DIP2C: variants seen among roughly 807,000 people sequenced by gnomAD.
DIP2C encodes DIP2 acetate--CoA ligase C (putative), also known as disco-interacting protein 2 homolog C.
A neutral mutation model predicts 192.4 loss-of-function variants in DIP2C; 33 were observed. The ratio of observed to expected loss-of-function variants is 0.17; its 90% CI spans 0.13 to 0.23. The LOEUF is 0.23. DIP2C is among the 10% of genes least tolerant of loss of function. The probability of loss-of-function intolerance (pLI) is 1.00; values close to 1 mark genes in which losing one functional copy is unlikely to be tolerated. For missense variants in DIP2C, 1,537 were observed against 2,110.1 expected, an observed-to-expected ratio of 0.73 and a Z score of 5.32; for synonymous variants, 979 against 864.1, an observed-to-expected ratio of 1.13 and a Z score of -2.33.
intron 3 of DIP2C, among the ~76,000 whole-genome samples, chr10:453,672 A>G (rs546693877): frequency 6.6e-6 from 1 of 152,372 alleles, no homozygotes; most frequent in African/African-American, 2.4e-5. Context: ...GTGTTATCAA[A>G]GCAAAGAGAA....
chr10:637,017 G>A (rs1046953257), intron 1 of DIP2C, among the ~76,000 whole-genome samples: 5 of 152,342 alleles, frequency 3.3e-5, no homozygotes, highest in Non-Finnish European at 5.9e-5. Context: ...GAGGGGCCGC[G>A]GGCAGCCGAG....
chr10:606,086 G>A (rs944137835), intron 1 of DIP2C, among the ~76,000 whole-genome samples: 2 of 152,238 alleles, frequency 1.3e-5, no homozygotes, highest in African/African-American at 4.8e-5. Flanking sequence ...GCAGCGTGGA[G>A]ACCGGGAAGC....
chr10:424,382 T>TTTTTTTTTTTTTTTTG (rs1388302720), intron 4 of DIP2C, among the ~76,000 whole-genome samples: 2 of 101,362 alleles, frequency 2.0e-5, no homozygotes. Flanking sequence ...TTTTTTTTTT[T>TTTTTTTTTTTTTTTTG]TGAGACAGAG....
chr10:675,767 A>G (rs1830854279), intron 1 of DIP2C, among the ~76,000 whole-genome samples: 1 of 152,194 alleles, frequency 6.6e-6, no homozygotes, highest in South Asian at 2.1e-4. Flanking sequence ...AACATGTATG[A>G]CTAAGTAATA....
intron 1 of DIP2C, among the ~76,000 whole-genome samples, chr10:511,544 C>T (rs930148932): frequency 9.2e-5 from 14 of 152,150 alleles, no homozygotes; most frequent in African/African-American, 2.7e-4. Flanking sequence ...TAAAAAATAA[C>T]ACGTCTTCCA....
intron 32 of DIP2C, among the ~76,000 whole-genome samples, chr10:290,276 C>T (rs879283064): frequency 2.0e-5 from 3 of 152,232 alleles, no homozygotes; most frequent in Non-Finnish European, 2.9e-5. Context: ...TTACGGAACA[C>T]GCCGATAGGC....
chr10:539,966 CAAG>C (rs939155800), intron 1 of DIP2C, among the ~76,000 whole-genome samples: 21 of 152,032 alleles, frequency 1.4e-4, no homozygotes, highest in African/African-American at 4.3e-4. Context: ...CAGAAAAAAA[CAAG>C]ATGATCAAAA....
chr10:595,676 G>C (rs895023591), intron 1 of DIP2C, among the ~76,000 whole-genome samples: 30 of 152,324 alleles, frequency 2.0e-4, no homozygotes, highest in African/African-American at 6.5e-4. Context: ...CGGGTTTACC[G>C]AAATCCACGC....
intron 17 of DIP2C, among the ~76,000 whole-genome samples, chr10:372,150 G>A (rs1355153729): frequency 4.7e-5 from 7 of 147,700 alleles, no homozygotes; most frequent in African/African-American, 7.5e-5. Flanking sequence ...ATCTTGGCTC[G>A]CTGCAACCTC....
chr10:544,641 G>A lies in DIP2C; in HGVS notation c.86-58111C>T, dbSNP rs143277196. On this transcript the variant is annotated intron_variant, in intron 1 of 36. Transcript: ENST00000280886. ...TTTTACCCATCCCAGTGGTTGTGAA[G>A]TGGTATCTCACGGTGGTTTTCATTT... is the stretch of plus-strand genomic sequence containing the variant. Among the ~76,000 whole-genome samples the A allele has an allele frequency of 2.7e-3, 404 of 152,312 alleles. 3 individuals carry two copies. Among genetic ancestry groups the A allele is most frequent in the African/African-American group, 8.0e-3 (333 of 41,566 alleles).
At chr10:457,909 T>G (rs1193864381) in intron 3 of DIP2C, among the ~76,000 whole-genome samples, 1 of 152,224 alleles carries the variant, frequency 6.6e-6, no homozygotes, top group African/African-American at 2.4e-5. Context: ...CAGCTGTGCC[T>G]GTGGCCTCTC....
Position 392,484 on chromosome 10 carries a change from G to A in DIP2C, c.1261-1621C>T, listed in dbSNP as rs980332176. Among the ~76,000 whole-genome samples, 5 of 152,194 alleles carry A rather than the reference G, an allele frequency of 3.3e-5. No individual in the cohort carries two copies. The East Asian group carries it at 7.7e-4, about 23-fold the overall frequency. Reference sequence around the variant, plus strand: ...ATAAGGAAGAGACTGAAAACCACAGGAGCAGCAGGCCTGGGAGGATGCGGC... The same window carrying A: ...ATAAGGAAGAGACTGAAAACCACAGAAGCAGCAGGCCTGGGAGGATGCGGC... On this transcript the variant is annotated intron_variant, in intron 10 of 36. Transcript: ENST00000280886.
At position 326,871 on chromosome 10, in the gene DIP2C, G is replaced by C. The variant is rs556459427; in HGVS notation, c.3924+135C>G. On this transcript the variant is annotated intron_variant, in intron 31 of 36. Coordinates refer to ENST00000280886, the MANE Select transcript of DIP2C (RefSeq NM_014974.3). ...AAAGAAACAGAGATCTGCACCAACC[G>C]CATGCGTGTGACTGAAAGATCTCTT... 2.1e-5 allele frequency: 22 copies of C among 1,041,920 alleles called. No homozygotes were observed. In the African/African-American group the frequency reaches 3.6e-4, roughly 17 times the overall value. The allele number at this position is 1,041,920 out of a possible 1,614,324, so 64.5% of individuals were successfully genotyped here.
chr10:603,893 C>T (rs1434000524), intron 1 of DIP2C, among the ~76,000 whole-genome samples: 2 of 151,916 alleles, frequency 1.3e-5, no homozygotes, highest in East Asian at 3.9e-4. Flanking sequence ...AGCCCCACAC[C>T]CCTCCGACCA....
intron 9 of DIP2C, among the ~76,000 whole-genome samples, chr10:400,661 C>A (rs146997473): frequency 6.6e-6 from 1 of 151,334 alleles, no homozygotes; most frequent in East Asian, 2.0e-4. Context: ...TAGCATTACT[C>A]TTCCTTATGG....
intron 31 of DIP2C, chr10:324,771 C>A: frequency 5.3e-6 from 2 of 377,300 alleles, no homozygotes; most frequent in South Asian, 4.2e-5. Flanking sequence ...TCAATATCCA[C>A]CACGTGTCAG....
chr10:629,606 G>A (rs1033327691), intron 1 of DIP2C, among the ~76,000 whole-genome samples: 2 of 152,110 alleles, frequency 1.3e-5, no homozygotes, highest in South Asian at 2.1e-4. Flanking sequence ...CCGTACTGGG[G>A]GAAGGAAGCT....
In DIP2C at chr10:382,779, C is replaced by A. The variant is rs1216406961; in HGVS notation, c.1877-18G>T. 1.3e-6 allele frequency: 2 copies of A among 1,554,662 alleles called. No homozygotes were observed. The highest frequency in any genetic ancestry group is 1.8e-6 in the Non-Finnish European group (2 of 1,134,414). ...AATAGACCCTAGAGTGAAAGAGGGA[C>A]AATGATCAGACAGCTGAAGCACTGT... On this transcript the variant is annotated intron_variant, in intron 16 of 36. Coordinates refer to ENST00000280886, the MANE Select transcript of DIP2C (RefSeq NM_014974.3).
chr10:345,249 C>G (rs1378787434), intron 26 of DIP2C, 139 bp from the exon 27 acceptor site: 1 of 863,590 alleles, frequency 1.2e-6, no homozygotes, highest in Non-Finnish European at 1.9e-6. Context: ...AGCCCTCCTG[C>G]TGGCTAAGGT....
Sources: gnomAD v4.1 joint callset for allele counts (sites outside exome capture counted in the v4.1 genomes callset) on GRCh38, gnomAD v4.1.1 for gene constraint, MANE v1.5 for transcripts, NCBI Gene and HGNC (gene_info 2026-07-23, HGNC 2026-07-21) for gene names.